Variants in STPG2 observed in about 807,000 individuals in gnomAD.
The protein encoded by STPG2 is sperm tail PG-rich repeat containing 2.
Under a neutral mutation model 54.2 loss-of-function variants are expected in STPG2, and 56 were observed. The observed-to-expected ratio is 1.03, with a 90% confidence interval of 0.83 to 1.29. STPG2 has a LOEUF of 1.29. Among genes scored for constraint, STPG2 ranks in the 50% most tolerant of loss-of-function variants. The pLI is 0.00. For synonymous variants in STPG2, 200 were observed against 181.8 expected (o/e 1.10, Z -0.81); for missense variants, 596 against 544.9 (o/e 1.09, Z -0.93).
At chr4:97,678,732 G>A (rs945572267) in intron 10 of STPG2, among the ~76,000 whole-genome samples, 7 of 151,160 alleles carry the variant, frequency 4.6e-5, no homozygotes, top group African/African-American at 7.3e-5. Context: ...CCATTAACTC[G>A]TCATTTAGCA....
Position 97,565,692 on chromosome 4 carries a change from G to C in STPG2, c.1321-6575C>G, listed in dbSNP as rs959188295. Among the ~76,000 whole-genome samples the C allele has an allele frequency of 3.9e-5, 6 of 152,278 alleles. No homozygotes were observed. The South Asian group carries it at 1.0e-3, about 26-fold the overall frequency. On this transcript the variant is annotated intron_variant, in intron 10 of 10. Coordinates refer to ENST00000295268, the MANE Select transcript of STPG2 (RefSeq NM_174952.3). ...TGCAGGTCTGTTGGAGTTTGCTAGA[G>C]GTCCACTCCAGACCCTGTTTGCCTG...
chr4:97,865,294 A>C (rs1331682468), intron 8 of STPG2, among the ~76,000 whole-genome samples: 1 of 152,240 alleles, frequency 6.6e-6, no homozygotes, highest in African/African-American at 2.4e-5. Context: ...ATATGAAAAG[A>C]CACTTCTCAA....
intron 7 of STPG2, among the ~76,000 whole-genome samples, chr4:97,946,000 A>G (rs568598582): frequency 5.3e-5 from 8 of 152,264 alleles, no homozygotes; most frequent in African/African-American, 1.7e-4. Context: ...TCAAGGCTGC[A>G]GTGAGCCATA....
intron 9 of STPG2, among the ~76,000 whole-genome samples, chr4:97,747,011 A>AC (rs1451589366): frequency 7.7e-6 from 1 of 129,124 alleles, no homozygotes; most frequent in Non-Finnish European, 1.8e-5. Context: ...CTGTTTTTAT[A>AC]CAAAAAAAAA....
chr4:97,869,858 A>G (rs1277864691), intron 8 of STPG2, among the ~76,000 whole-genome samples: 1 of 151,598 alleles, frequency 6.6e-6, no homozygotes, highest in Non-Finnish European at 1.5e-5. Context: ...ATATTTGTCT[A>G]CAAGTTGTAG....
intron 9 of STPG2, among the ~76,000 whole-genome samples, chr4:97,735,141 G>A (rs930437164): frequency 1.3e-5 from 2 of 151,342 alleles, no homozygotes; most frequent in Non-Finnish European, 2.9e-5. Context: ...ATATGGAGTG[G>A]GTGAAAATAT....
chr4:97,778,493 T>G (rs957110408), intron 9 of STPG2, among the ~76,000 whole-genome samples: 1 of 152,146 alleles, frequency 6.6e-6, no homozygotes, highest in Non-Finnish European at 1.5e-5. Flanking sequence ...CTCTGTAGAC[T>G]CCACCTCTAC....
At chr4:98,086,929 A>C (rs924096000) in intron 5 of STPG2, among the ~76,000 whole-genome samples, 2 of 152,216 alleles carry the variant, frequency 1.3e-5, no homozygotes, top group Non-Finnish European at 1.5e-5. Context: ...GTTTACTTAC[A>C]TTATAGAATT....
intron 5 of STPG2, among the ~76,000 whole-genome samples, chr4:98,023,732 G>A (rs1372291169): frequency 6.6e-6 from 1 of 152,164 alleles, no homozygotes; most frequent in Non-Finnish European, 1.5e-5. Flanking sequence ...CCTGGGCAAT[G>A]GCGGGCACCC....
chr4:97,607,153 A>T (rs190474402), intron 10 of STPG2, among the ~76,000 whole-genome samples: 22 of 152,142 alleles, frequency 1.4e-4, no homozygotes, highest in Non-Finnish European at 2.8e-4. Flanking sequence ...AAAATTTTGT[A>T]TTACTGCAAT....
At chr4:97,975,694 T>C (rs1734476225) in intron 6 of STPG2, among the ~76,000 whole-genome samples, 1 of 152,186 alleles carries the variant, frequency 6.6e-6, no homozygotes, top group Non-Finnish European at 1.5e-5. Context: ...ATCTGCATTC[T>C]ACTTAATTAG....
At chr4:97,714,539 G>GAT (rs1223919113) in intron 9 of STPG2, among the ~76,000 whole-genome samples, 1 of 152,086 alleles carries the variant, frequency 6.6e-6, no homozygotes, top group African/African-American at 2.4e-5. Context: ...AATGTGTTTT[G>GAT]ATATACCAAG....
intron 10 of STPG2, among the ~76,000 whole-genome samples, chr4:97,661,596 T>C (rs1391714153): frequency 1.3e-5 from 2 of 152,080 alleles, no homozygotes; most frequent in Non-Finnish European, 2.9e-5. Context: ...TCTCTACAAA[T>C]GGAGATAAAA....
chr4:98,034,629 C>A (rs1240975074), intron 5 of STPG2, among the ~76,000 whole-genome samples: 1 of 152,134 alleles, frequency 6.6e-6, no homozygotes, highest in African/African-American at 2.4e-5. Flanking sequence ...AAAAAAGAGC[C>A]CTCATAGACA....
chr4:97,991,453 GTGTGTGTA>G (rs1219782834), intron 5 of STPG2, among the ~76,000 whole-genome samples: 6 of 142,926 alleles, frequency 4.2e-5, no homozygotes, highest in South Asian at 5.1e-4. Context: ...GTGTGTGTGT[GTGTGTGTA>G]TATATATATA....
At chr4:97,446,595 C>G (rs1353452154) in intron 4 of STPG2, among the ~76,000 whole-genome samples, 2 of 152,056 alleles carry the variant, frequency 1.3e-5, no homozygotes, top group African/African-American at 4.8e-5. Context: ...AAGGGAGGGA[C>G]CAGGTGGGAG....
intron 8 of STPG2, among the ~76,000 whole-genome samples, chr4:97,883,298 G>A (rs1056155486): frequency 6.6e-6 from 1 of 151,778 alleles, no homozygotes; most frequent in Non-Finnish European, 1.5e-5. Flanking sequence ...TGAAGTGGGA[G>A]GATTGCTTGA....
In STPG2 at chr4:97,813,774, A is replaced by C. The variant is rs930842442; in HGVS notation, c.1204+26999T>G. Among the ~76,000 whole-genome samples the C allele has an allele frequency of 4.0e-5, 6 of 150,012 alleles. No individual in the cohort carries two copies. In the Admixed American group the frequency reaches 4.0e-4, roughly 10 times the overall value. ...TCATTTAAATTTTTAAAATATATTT[A>C]ATATATTTTTAACTTAAGCATTACA... On this transcript the variant is annotated intron_variant, in intron 9 of 10. Transcript: ENST00000295268.
At chr4:97,468,953 A>G (rs1402060472) in intron 4 of STPG2, among the ~76,000 whole-genome samples, 1 of 152,132 alleles carries the variant, frequency 6.6e-6, no homozygotes, top group Non-Finnish European at 1.5e-5. Flanking sequence ...CCACACAGAT[A>G]TAAAAACTAC....
Sources: allele counts gnomAD v4.1 joint callset (sites outside exome capture counted in the v4.1 genomes callset), GRCh38; gene constraint gnomAD v4.1.1; transcripts MANE v1.5; gene names NCBI Gene and HGNC (gene_info 2026-07-23, HGNC 2026-07-21).